The following SIGLEC12 variants were observed in gnomAD, a reference collection of about 807,000 sequenced individuals.
The protein encoded by SIGLEC12 is sialic acid-binding Ig-like lectin 12.
In SIGLEC12, 43 loss-of-function variants were observed where a neutral mutation model predicts 54.1. The ratio of observed to expected loss-of-function variants is 0.80; its 90% confidence interval spans 0.62 to 1.03. The LOEUF (loss-of-function observed/expected upper bound fraction) is 1.03, where lower values mean the gene tolerates loss of function less well. Ranked by LOEUF, SIGLEC12 falls within the 50% of genes least tolerant of loss-of-function variation. The pLI is 0.00. For missense variants in SIGLEC12, 802 were observed against 735.2 expected, an observed-to-expected ratio of 1.09 and a Z score of -1.05; for synonymous variants, 357 against 307.6, an observed-to-expected ratio of 1.16 and a Z score of -1.68.
At chr19:51,495,450 C>T (rs1322140485) in intron 7 of SIGLEC12, among the ~76,000 whole-genome samples, 4 of 117,258 alleles carry the variant, frequency 3.4e-5, no homozygotes, top group Admixed American at 8.4e-5. Context: ...GATGGACTGA[C>T]GGGTGGGTGG....
In SIGLEC12 at chr19:51,501,429, T is replaced by G; in HGVS notation, c.305A>C (p.Lys102Thr). ...GTCTCTGATGCTCAGGGTACAATCC[T>G]TGTTCTGTGGGTCCCCAAGGAGGTG... ...RFHLLGDPQN[K>T]DCTLSIRDTR... Residue 102 changes from lysine to threonine, a missense_variant, in exon 1 of 8, where the codon AAG (lysine) becomes ACG (threonine). Lys to Thr is a moderately conservative substitution (Grantham distance 78). Coordinates refer to ENST00000291707, the MANE Select transcript of SIGLEC12 (RefSeq NM_053003.4). 6.2e-7 allele frequency: 1 copy of G among 1,614,222 alleles called. No homozygotes were observed. The highest frequency in any genetic ancestry group is 8.5e-7 in the Non-Finnish European group (1 of 1,180,040).
rs1990092223 is a variant in SIGLEC12, at chr19:51,491,266, A to T, written c.*375T>A. 1 of 166,482 alleles carries T rather than the reference A, an allele frequency of 6.0e-6. No homozygotes were observed. 10.3% of individuals were successfully genotyped at this position (166,482 alleles called of 1,614,324 possible). A position where few individuals can be genotyped will look rare whatever the true frequency, so the allele number is the denominator to read the frequency against. On this transcript the variant is annotated 3_prime_UTR_variant, in exon 8 of 8. Transcript: ENST00000291707. ...AACTCCTCTCTTTTAGCCATTTTGA[A>T]ATATTCAATACATTATTCTGTTATT...
At chr19:51,495,351 G>GGATGGACA (rs1990210511) in intron 7 of SIGLEC12, among the ~76,000 whole-genome samples, 1 of 84,488 alleles carries the variant, frequency 1.2e-5, no homozygotes, top group Admixed American at 1.2e-4. Flanking sequence ...ATGGATGGAT[G>GGATGGACA]GACAGACGGG....
At chr19:51,500,404 T>G (rs891206806) in intron 1 of SIGLEC12, 104 bp from the exon 2 acceptor site, 1 of 1,594,426 alleles carries the variant, frequency 6.3e-7, no homozygotes, top group Non-Finnish European at 8.5e-7. Flanking sequence ...GGGCTCCCTG[T>G]GTGAGCAGAG....
intron 5 of SIGLEC12, among the ~76,000 whole-genome samples, 193 bp downstream of exon 5, chr19:51,497,825 T>C (rs1245922961): frequency 4.6e-5 from 7 of 152,154 alleles, no homozygotes; most frequent in Non-Finnish European, 1.0e-4. Context: ...GGCCCTTGTA[T>C]CCCCAAACAC....
Position 51,499,485 on chromosome 19 carries a change from G to A in SIGLEC12, c.1040C>T (p.Pro347Leu), listed in dbSNP as rs145810003. Reference protein sequence around the residue: ...GTSLTCQVTLPGAGVTMTRAV... With the variant: ...GTSLTCQVTLLGAGVTMTRAV... Reference sequence around the variant, plus strand: ...CCTGGTCATGGTCACGCCGGCCCCAGGCAAGGTCACCTGACAGGTGAGGCT... The same window carrying A: ...CCTGGTCATGGTCACGCCGGCCCCAAGCAAGGTCACCTGACAGGTGAGGCT... Residue 347 changes from proline (P) to leucine (L), a missense_variant, in exon 3 of 8, where the codon CCT (proline) becomes CTT (leucine). Pro to Leu is a moderately conservative substitution (Grantham distance 98, BLOSUM62 -3). Transcript: ENST00000291707. The A allele has an allele frequency of 5.0e-3, 7,976 of 1,606,336 alleles. 38 individuals are homozygous for A. The highest frequency in any genetic ancestry group is 5.1e-3 in the Non-Finnish European group (5,957 of 1,176,606).
At chr19:51,493,246 GACTTA>G (rs1990153512) in intron 7 of SIGLEC12, among the ~76,000 whole-genome samples, 1 of 152,158 alleles carries the variant, frequency 6.6e-6, no homozygotes, top group East Asian at 1.9e-4. Context: ...AGCCCTTCTT[GACTTA>G]ACTACAGGAC....
At chr19:51,497,875 C>T in intron 5 of SIGLEC12, 143 bp downstream of exon 5, 1 of 1,198,406 alleles carries the variant, frequency 8.3e-7, no homozygotes, top group South Asian at 1.6e-5. Context: ...AAGATTAACT[C>T]CTCCCCTCTC....
chr19:51,497,096 T>A (rs1276952835), intron 6 of SIGLEC12, 120 bp from the exon 7 acceptor site: 1 of 1,504,474 alleles, frequency 6.6e-7, no homozygotes, highest in Non-Finnish European at 9.1e-7. Context: ...GGGAGGGGAG[T>A]GGTCCCATTC....
intron 4 of SIGLEC12, 30 bp from the exon 5 acceptor site, chr19:51,498,317 G>C (rs1371526331): frequency 1.3e-6 from 2 of 1,560,060 alleles, no homozygotes; most frequent in East Asian, 2.3e-5. Flanking sequence ...AGGGCAGAGA[G>C]AGACAAAGTG....
At position 51,499,646 on chromosome 19, in the gene SIGLEC12, G is replaced by A. The variant is rs1199317776; in HGVS notation, c.879C>T (p.Cys293=). ...CCTGTTCACAGGCCCAGGGCACAGA[G>A]CAGGTCAGGTTCCTGGGGTGGCCAG... The part of the protein sequence containing the change: ...LESGHPRNLT[C]SVPWACEQGT... The change falls in exon 3 of 8, where the codon TGC becomes TGT. Residue 293 remains cysteine, a synonymous_variant. Coordinates refer to ENST00000291707, the MANE Select transcript of SIGLEC12 (RefSeq NM_053003.4). 1.9e-6 allele frequency: 3 copies of A among 1,614,038 alleles called. No individual in the cohort carries two copies. Among genetic ancestry groups the A allele is most frequent in the Non-Finnish European group, 2.5e-6 (3 of 1,180,016 alleles).
In SIGLEC12 at chr19:51,499,170, C is replaced by T. The variant is rs1990322334; in HGVS notation, c.1135G>A (p.Ala379Thr). Residue 379 changes from alanine (A) to threonine (T), a missense_variant and splice_region_variant, in exon 4 of 8, where the codon GCA (alanine) becomes ACA (threonine). By Grantham distance (58) the Ala-to-Thr change is moderately conservative (BLOSUM62 0). Transcript: ENST00000291707. Reference protein sequence around the residue: ...TMTVFQGDGTASTTLRNGSAL... With the variant: ...TMTVFQGDGTTSTTLRNGSAL... Reference sequence around the variant, plus strand: ...CCCCAGGGAGAGGACTCCATCTTACCTGTGCCATCTCCTTGGAAGACAGTC... The same window carrying T: ...CCCCAGGGAGAGGACTCCATCTTACTTGTGCCATCTCCTTGGAAGACAGTC... The T allele has an allele frequency of 6.2e-7, 1 of 1,614,062 alleles. No individual in the cohort carries two copies. The highest frequency in any genetic ancestry group is 1.1e-5 in the South Asian group (1 of 91,078).
chr19:51,497,760 G>A (rs1351706653), intron 5 of SIGLEC12, among the ~76,000 whole-genome samples: 1 of 152,174 alleles, frequency 6.6e-6, no homozygotes, highest in Non-Finnish European at 1.5e-5. Context: ...CTTAAATTGT[G>A]TGCCCAAAGT....
At chr19:51,499,826 C>T (rs1990343890) in intron 2 of SIGLEC12, 94 bp downstream of exon 2, 2 of 1,548,778 alleles carry the variant, frequency 1.3e-6, no homozygotes, top group Non-Finnish European at 1.7e-6. Flanking sequence ...TATGCTTCAC[C>T]TCCAACTCCC....
intron 7 of SIGLEC12, 32 bp downstream of exon 7, chr19:51,496,848 G>A (rs1176444205): frequency 6.2e-6 from 10 of 1,609,026 alleles, no homozygotes; most frequent in Middle Eastern, 3.3e-4. Flanking sequence ...GAGAAAGCAG[G>A]GGAGAAGGGC....
Position 51,498,149 on chromosome 19 carries a change from G to A in SIGLEC12, c.1274C>T (p.Ser425Phe). 10 of 1,614,244 alleles carry A rather than the reference G, an allele frequency of 6.2e-6. No homozygotes were observed. The highest frequency in any genetic ancestry group is 8.5e-6 in the Non-Finnish European group (10 of 1,180,046). Residue 425 changes from serine (S) to phenylalanine (F), a missense_variant, in exon 5 of 8, where the codon TCC becomes TTC. Coordinates refer to ENST00000291707, the MANE Select transcript of SIGLEC12 (RefSeq NM_053003.4). ...WGSLTLSPSQ[S>F]SNLGVLELPR... Reference sequence around the variant, plus strand: ...CAGCTCCAGCACCCCAAGGTTCGAGGACTGTGAGGGGCTCAGGGTCAGGCT... The same window carrying A: ...CAGCTCCAGCACCCCAAGGTTCGAGAACTGTGAGGGGCTCAGGGTCAGGCT...
At chr19:51,495,387 G>T (rs1209885994) in intron 7 of SIGLEC12, among the ~76,000 whole-genome samples, 1 of 107,060 alleles carries the variant, frequency 9.3e-6, no homozygotes, top group African/African-American at 3.6e-5. Flanking sequence ...ATGGATGGAT[G>T]GATGGATGGA....
intron 2 of SIGLEC12, 102 bp from the exon 3 acceptor site, chr19:51,499,818 T>A (rs903938797): frequency 1.3e-5 from 20 of 1,552,374 alleles, no homozygotes; most frequent in Admixed American, 1.8e-5. Flanking sequence ...GAGCCAGATA[T>A]GCTTCACCTC....
At chr19:51,494,335 A>G (rs898907522) in intron 7 of SIGLEC12, among the ~76,000 whole-genome samples, 4 of 152,270 alleles carry the variant, frequency 2.6e-5, no homozygotes, top group African/African-American at 9.6e-5. Context: ...AAGGTGATAT[A>G]CAAATCAAAA....
Sources: gnomAD v4.1 joint callset for allele counts (sites outside exome capture counted in the v4.1 genomes callset) on GRCh38, gnomAD v4.1.1 for gene constraint, MANE v1.5 for transcripts, NCBI Gene and HGNC (gene_info 2026-07-23, HGNC 2026-07-21) for gene names.